The following CENPF variants were observed in gnomAD, a reference collection of about 807,000 sequenced individuals.
The protein encoded by CENPF is AH antigen.
In CENPF, 214 loss-of-function variants were observed where a neutral mutation model predicts 307.3. That is an observed-to-expected ratio of 0.70 (90% CI 0.62 to 0.78). The LOEUF (loss-of-function observed/expected upper bound fraction) is 0.78. Ranked by LOEUF, CENPF falls within the 30% of genes least tolerant of loss-of-function variation. The probability of loss-of-function intolerance (pLI) is 0.00; values close to 1 mark genes in which losing one functional copy is unlikely to be tolerated. For synonymous variants in CENPF, 1,259 were observed against 1,270.6 expected, an observed-to-expected ratio of 0.99 and a Z score of 0.19; for missense variants, 3,401 against 3,483.9, an observed-to-expected ratio of 0.98 and a Z score of 0.60.
At position 214,613,640 on chromosome 1, in the gene CENPF, G is replaced by C. The variant is rs370340005; in HGVS notation, c.-41-74G>C. ...GAAACTTGATTTTTAGGGGTGGTTA[G>C]ATAGATTCATTAATTTCTGAGACTT... is the stretch of plus-strand genomic sequence containing the variant. On this transcript the variant is annotated intron_variant, in intron 1 of 19. Coordinates refer to ENST00000366955, the MANE Select transcript of CENPF (RefSeq NM_016343.4). The C allele has an allele frequency of 3.6e-6, 4 of 1,109,626 alleles. No individual in the cohort carries two copies. In the South Asian group the frequency reaches 5.1e-5, roughly 14 times the overall value. The allele number at this position is 1,109,626 out of a possible 1,614,324, so 68.7% of individuals were successfully genotyped here.
chr1:214,608,533 T>G, intron 1 of CENPF: 1 of 1,611,782 alleles, frequency 6.2e-7, no homozygotes, highest in Non-Finnish European at 8.5e-7. Flanking sequence ...GCAGCGAACA[T>G]ACATGCAGGA....
chr1:214,621,960 T>G, intron 6 of CENPF, 119 bp from the exon 7 acceptor site: 1 of 761,010 alleles, frequency 1.3e-6, no homozygotes, highest in Non-Finnish European at 2.1e-6. Flanking sequence ...AGCTTCTGTA[T>G]TTAGTGTAAA....
At chr1:214,650,563 A>AG (rs1207444860) in intron 14 of CENPF, among the ~76,000 whole-genome samples, 4 of 152,142 alleles carry the variant, frequency 2.6e-5, no homozygotes, top group African/African-American at 7.2e-5. Flanking sequence ...GCAAACACCC[A>AG]GGGGGGTCTC....
At position 214,657,384 on chromosome 1, in the gene CENPF, G is replaced by C; in HGVS notation, c.8937G>C (p.Glu2979Asp). 2 of 1,608,560 alleles carry C rather than the reference G, an allele frequency of 1.2e-6. No individual in the cohort carries two copies. The highest frequency in any genetic ancestry group is 1.7e-6 in the Non-Finnish European group (2 of 1,178,786). Residue 2979 changes from glutamate (E) to aspartate (D), a missense_variant, in exon 18 of 20, where the codon GAG becomes GAC. By Grantham distance (45) the Glu-to-Asp change is conservative. Transcript: ENST00000366955. Reference protein sequence around the residue: ...EDTEGTEFEPEGLPEVVKKGF... With the variant: ...EDTEGTEFEPDGLPEVVKKGF... ...CGGAAGGTACTGAGTTTGAGCCAGA[G>C]GGACTTCCAGAAGTTGTAAAGAAAG... is the stretch of plus-strand genomic sequence containing the variant.
chr1:214,644,539 T>C lies in CENPF; in HGVS notation c.4987-18T>C, dbSNP rs763122159. 1 of 1,539,944 alleles carries C rather than the reference T, an allele frequency of 6.5e-7. No homozygotes were observed. Among genetic ancestry groups the C allele is most frequent in the Non-Finnish European group, 8.7e-7 (1 of 1,146,036 alleles). On this transcript the variant is annotated intron_variant, in intron 12 of 19. Transcript: ENST00000366955. ...TTTGAAAAATAAAATGCATGCTTGT[T>C]ATGTATTATAATTACAGGCTATTCA...
intron 13 of CENPF, among the ~76,000 whole-genome samples, chr1:214,648,259 T>C (rs1658366450): frequency 6.6e-6 from 1 of 152,012 alleles, no homozygotes; most frequent in Non-Finnish European, 1.5e-5. Flanking sequence ...ACAATAGCTT[T>C]TTAACTGTTT....
At chr1:214,657,965 A>G (rs1658685551) in intron 18 of CENPF, among the ~76,000 whole-genome samples, 1 of 152,204 alleles carries the variant, frequency 6.6e-6, no homozygotes, top group African/African-American at 2.4e-5. Flanking sequence ...ATATTTTTGT[A>G]ACATCCAAGC....
At chr1:214,632,235 T>G (rs1167606257) in intron 9 of CENPF, among the ~76,000 whole-genome samples, 1 of 152,190 alleles carries the variant, frequency 6.6e-6, no homozygotes, top group Non-Finnish European at 1.5e-5. Context: ...GGTTAAATCT[T>G]TTTCCTGTGT....
At chr1:214,632,020 T>C (rs1434516409) in intron 9 of CENPF, among the ~76,000 whole-genome samples, 2 of 152,238 alleles carry the variant, frequency 1.3e-5, no homozygotes, top group South Asian at 2.1e-4. Flanking sequence ...TCTCTTTCAA[T>C]AGCCATTTGT....
intron 11 of CENPF, 86 bp downstream of exon 11, chr1:214,638,087 C>A (rs976800301): frequency 1.5e-6 from 2 of 1,339,166 alleles, no homozygotes; most frequent in African/African-American, 1.5e-5. Context: ...ATTAGAGAAA[C>A]TCTTTGGATT....
intron 19 of CENPF, among the ~76,000 whole-genome samples, chr1:214,660,790 T>A (rs1658769355): frequency 6.6e-6 from 1 of 152,228 alleles, no homozygotes; most frequent in South Asian, 2.1e-4. Context: ...CAGCTCACTT[T>A]ATTGTAATCT....
rs747617883 is a variant in CENPF, at chr1:214,641,770, G to A, written c.3432G>A (p.Lys1144=). The change falls in exon 12 of 20, where the codon AAG becomes AAA. Residue 1144 remains lysine, a synonymous_variant. Transcript: ENST00000366955. ...TLKEEQNKMQ[K]EVNDLLQENE... ...AGGAAGAACAAAACAAAATGCAAAA[G>A]GAAGTTAATGACTTATTACAAGAGA... 8 of 1,588,038 alleles carry A rather than the reference G, an allele frequency of 5.0e-6. No homozygotes were observed. The highest frequency in any genetic ancestry group is 6.8e-6 in the Non-Finnish European group (8 of 1,172,254).
chr1:214,642,105 A>T lies in CENPF; in HGVS notation c.3767A>T (p.Gln1256Leu). 1 of 1,612,490 alleles carries T rather than the reference A, an allele frequency of 6.2e-7. No individual in the cohort carries two copies. Among genetic ancestry groups the T allele is most frequent in the Non-Finnish European group, 8.5e-7 (1 of 1,179,546 alleles). Residue 1256 changes from glutamine to leucine, a missense_variant, in exon 12 of 20, where the codon CAA (glutamine) becomes CTA (leucine). By Grantham distance (113) the Gln-to-Leu change is moderately radical (BLOSUM62 -2). Transcript: ENST00000366955. ...AGCAATTTGCAAGACATGCAGTCAC[A>T]AGAAATTAGTGGCCTTAAAGACTGT... ...ETSNLQDMQS[Q>L]EISGLKDCEI...
At chr1:214,648,580 C>A in intron 13 of CENPF, 95 bp from the exon 14 acceptor site, 2 of 1,386,902 alleles carry the variant, frequency 1.4e-6, no homozygotes, top group Non-Finnish European at 2.0e-6. Context: ...TGATTGAAGG[C>A]TAAAATAAAT....
intron 17 of CENPF, among the ~76,000 whole-genome samples, 166 bp downstream of exon 17, chr1:214,655,569 G>C (rs1459269733): frequency 6.6e-6 from 1 of 152,062 alleles, no homozygotes; most frequent in Admixed American, 6.6e-5. Context: ...TGCTTATCTT[G>C]GGATCATTAT....
At chr1:214,621,739 A>G (rs890272308) in intron 6 of CENPF, among the ~76,000 whole-genome samples, 12 of 152,192 alleles carry the variant, frequency 7.9e-5, no homozygotes, top group African/African-American at 2.7e-4. Context: ...CTGTTGTGTA[A>G]AACTAAATGG....
At chr1:214,653,206 C>T in intron 16 of CENPF, 1 of 503,756 alleles carries the variant, frequency 2.0e-6, no homozygotes. Flanking sequence ...TTGCCTCATG[C>T]ATCCTCTCAA....
chr1:214,620,793 A>G lies in CENPF; in HGVS notation c.712A>G (p.Arg238Gly). The G allele has an allele frequency of 1.9e-6, 3 of 1,614,194 alleles. No individual in the cohort carries two copies. Among genetic ancestry groups the G allele is most frequent in the Non-Finnish European group, 2.5e-6 (3 of 1,180,026 alleles). Residue 238 changes from arginine to glycine, a missense_variant, in exon 6 of 20, where the codon AGG (arginine) becomes GGG (glycine). Transcript: ENST00000366955. ...ATCTAATTCTCAAAGAACTCCAATTAGGAGAGATTTCTCTGCATCTTACTT... is the reference window on the plus strand; with the variant it reads ...ATCTAATTCTCAAAGAACTCCAATTGGGAGAGATTTCTCTGCATCTTACTT... ...LSSNSQRTPIRRDFSASYFSG... is the reference protein window; with the variant it reads ...LSSNSQRTPIGRDFSASYFSG...
At position 214,644,581 on chromosome 1, in the gene CENPF, T is replaced by C. The variant is rs941796507; in HGVS notation, c.5011T>C (p.Cys1671Arg). 6.2e-7 allele frequency: 1 copy of C among 1,607,160 alleles called. No individual in the cohort carries two copies. The highest frequency in any genetic ancestry group is 1.7e-5 in the Admixed American group (1 of 59,088). The change falls in exon 13 of 20, where the codon TGT (cysteine) becomes CGT (arginine). Residue 1671 changes from cysteine to arginine, a missense_variant. By Grantham distance (180) the Cys-to-Arg change is radical. Coordinates refer to ENST00000366955, the MANE Select transcript of CENPF (RefSeq NM_016343.4). ...GGCTATTCAAGGCCGAAATGAGAGC[T>C]GTGACATATCAAAAGAACATACTTC... The part of the protein sequence containing the change: ...EDAIQGRNES[C>R]DISKEHTSET...
Sources: allele counts gnomAD v4.1 joint callset (sites outside exome capture counted in the v4.1 genomes callset), GRCh38; gene constraint gnomAD v4.1.1; transcripts MANE v1.5; gene names NCBI Gene and HGNC (gene_info 2026-07-23, HGNC 2026-07-21).